KCNH1: variants seen among roughly 807,000 people sequenced by gnomAD.
KCNH1 encodes voltage-gated delayed rectifier potassium channel KCNH1.
A neutral mutation model predicts 69.2 loss-of-function variants in KCNH1; 27 were observed. The observed-to-expected ratio is 0.39, with a 90% CI of 0.29 to 0.54. The LOEUF (loss-of-function observed/expected upper bound fraction) is 0.54, where lower values mean the gene tolerates loss of function less well. Among genes scored for constraint, KCNH1 ranks in the 20% least tolerant of loss-of-function variants. The probability of loss-of-function intolerance (pLI) is 0.68; values close to 1 mark genes in which losing one functional copy is unlikely to be tolerated. For synonymous variants in KCNH1, 456 were observed against 487.7 expected (o/e 0.93, Z 0.86); for missense variants, 798 against 1,261.6 (o/e 0.63, Z 5.57).
intron 3 of KCNH1, among the ~76,000 whole-genome samples, chr1:211,093,116 C>T (rs1691085648): frequency 1.3e-5 from 2 of 152,206 alleles, no homozygotes; most frequent in South Asian, 2.1e-4. Context: ...CAGCCCATCA[C>T]TGCACTGCAC....
At chr1:210,957,185 C>A (rs905913014) in intron 6 of KCNH1, among the ~76,000 whole-genome samples, 10 of 152,156 alleles carry the variant, frequency 6.6e-5, no homozygotes, top group African/African-American at 2.4e-4. Context: ...AGTAGTCATT[C>A]AGGAGCAGAC....
At chr1:210,885,747 T>C (rs1266793040) in intron 7 of KCNH1, among the ~76,000 whole-genome samples, 1 of 152,192 alleles carries the variant, frequency 6.6e-6, no homozygotes, top group Non-Finnish European at 1.5e-5. Flanking sequence ...AGTAGGCTAC[T>C]TTCCCCTCAC....
At chr1:210,949,447 A>G (rs1190872295) in intron 6 of KCNH1, among the ~76,000 whole-genome samples, 1 of 152,124 alleles carries the variant, frequency 6.6e-6, no homozygotes, top group African/African-American at 2.4e-5. Context: ...CAAAGAGATT[A>G]CCCCTTTGCT....
At chr1:210,932,742 A>T (rs1687699807) in intron 6 of KCNH1, among the ~76,000 whole-genome samples, 1 of 152,200 alleles carries the variant, frequency 6.6e-6, no homozygotes, top group African/African-American at 2.4e-5. Context: ...TTTAAGCCAA[A>T]AACTGTAAAA....
intron 10 of KCNH1, among the ~76,000 whole-genome samples, chr1:210,729,934 C>T (rs144650333): frequency 5.8e-4 from 88 of 152,134 alleles, no homozygotes; most frequent in African/African-American, 2.1e-3. Flanking sequence ...TTTTTCTGCC[C>T]AACCCACACT....
intron 5 of KCNH1, among the ~76,000 whole-genome samples, chr1:211,057,091 T>C (rs1690325420): frequency 6.6e-6 from 1 of 152,138 alleles, no homozygotes; most frequent in South Asian, 2.1e-4. Context: ...AAAGAAAGAA[T>C]TCAAAATACC....
At chr1:210,821,990 C>T (rs1230900758) in intron 7 of KCNH1, among the ~76,000 whole-genome samples, 1 of 152,048 alleles carries the variant, frequency 6.6e-6, no homozygotes, top group Non-Finnish European at 1.5e-5. Flanking sequence ...GTATGAGCCA[C>T]TGTGCCCAGC....
chr1:210,763,717 C>G (rs182550809), intron 10 of KCNH1, among the ~76,000 whole-genome samples: 1 of 151,990 alleles, frequency 6.6e-6, no homozygotes, highest in African/African-American at 2.4e-5. Context: ...AAATCATAGA[C>G]AACACAAACA....
intron 5 of KCNH1, among the ~76,000 whole-genome samples, chr1:211,024,894 T>C (rs943821307): frequency 6.6e-6 from 1 of 151,220 alleles, no homozygotes; most frequent in East Asian, 1.9e-4. Context: ...ACTACAGGAC[T>C]GTTTTTAAGT....
Position 211,133,933 on chromosome 1 carries a change from C to G in KCNH1, c.13G>C (p.Gly5Arg), listed in dbSNP as rs1432498816. The G allele has an allele frequency of 1.2e-6, 2 of 1,609,134 alleles. No individual in the cohort carries two copies. The highest frequency in any genetic ancestry group is 2.3e-5 in the East Asian group (1 of 44,248). Reference sequence around the variant, plus strand: ...GGGGCCACTAGTCCCCTCCTGCCCCCAGCCATGGTCATCCTCCCAGCAGCT... The same window carrying G: ...GGGGCCACTAGTCCCCTCCTGCCCCGAGCCATGGTCATCCTCCCAGCAGCT... MTMA[G>R]GRRGLVAPQN... The change falls in exon 1 of 11, where the codon GGG becomes CGG. Residue 5 changes from glycine (G) to arginine (R), a missense_variant. By Grantham distance (125) the Gly-to-Arg change is moderately radical. This residue lies in a region of KCNH1 where 266 missense variants were observed against 457.2 expected (regional missense o/e 0.58). Transcript: ENST00000271751. This position sits in a 1 kb window ranked among gnomAD's most constrained non-coding sequence, Gnocchi z 5.4.
At chr1:211,028,502 G>T (rs911726088) in intron 5 of KCNH1, among the ~76,000 whole-genome samples, 2 of 151,788 alleles carry the variant, frequency 1.3e-5, no homozygotes, top group African/African-American at 4.8e-5. Context: ...GGAAATCAGT[G>T]GTCTTTGAAA....
intron 7 of KCNH1, chr1:210,860,145 C>T: frequency 8.6e-7 from 1 of 1,160,980 alleles, no homozygotes; most frequent in Admixed American, 1.7e-5. Context: ...TTTCAAGATA[C>T]TTGGTATCAG....
intron 7 of KCNH1, among the ~76,000 whole-genome samples, chr1:210,849,107 C>CA (rs1685625994): frequency 6.6e-6 from 1 of 152,192 alleles, no homozygotes; most frequent in African/African-American, 2.4e-5. Flanking sequence ...CCTGGCCTTA[C>CA]ACATATACAT....
chr1:210,767,700 T>C (rs1558461464), intron 10 of KCNH1, among the ~76,000 whole-genome samples: 1 of 152,170 alleles, frequency 6.6e-6, no homozygotes, highest in East Asian at 1.9e-4. Context: ...TGATCTAGGA[T>C]CCATTAGCAC....
At chr1:210,836,210 T>C (rs1022385540) in intron 7 of KCNH1, among the ~76,000 whole-genome samples, 10 of 151,022 alleles carry the variant, frequency 6.6e-5, no homozygotes, top group African/African-American at 2.2e-4. Flanking sequence ...TAAATGGCCA[T>C]CCCCTACAGA....
intron 3 of KCNH1, among the ~76,000 whole-genome samples, chr1:211,096,856 T>A (rs1320062026): frequency 6.6e-6 from 1 of 152,202 alleles, no homozygotes; most frequent in Non-Finnish European, 1.5e-5. Context: ...AGGGACTACC[T>A]ACTATAGTAA....
intron 6 of KCNH1, among the ~76,000 whole-genome samples, chr1:210,980,435 G>C (rs1688687684): frequency 1.3e-5 from 2 of 152,178 alleles, no homozygotes; most frequent in Admixed American, 6.6e-5. Flanking sequence ...GATATTGAGA[G>C]CCTGATGTGT....
At chr1:211,065,058 T>C (rs1165912346) in intron 5 of KCNH1, among the ~76,000 whole-genome samples, 1 of 152,134 alleles carries the variant, frequency 6.6e-6, no homozygotes, top group East Asian at 1.9e-4. Flanking sequence ...CTACAGCCCT[T>C]ATGAAAAAAC....
chr1:211,019,278 A>G, intron 5 of KCNH1, 22 bp from the exon 6 acceptor site: 1 of 1,481,576 alleles, frequency 6.7e-7, no homozygotes, highest in Non-Finnish European at 9.2e-7. Flanking sequence ...AACATGACCA[A>G]GAGAGAACTA....
Sources: gnomAD v4.1 joint callset for allele counts (sites outside exome capture counted in the v4.1 genomes callset) on GRCh38, gnomAD v4.1.1 for gene constraint, gnomAD v4.1.1 regional missense constraint, Gnocchi (gnomAD v3.1) non-coding constraint, MANE v1.5 for transcripts, NCBI Gene and HGNC (gene_info 2026-07-23, HGNC 2026-07-21) for gene names.